Variants in MARCHF1 observed in about 807,000 individuals in gnomAD.
The protein encoded by MARCHF1 is membrane associated ring-CH-type finger 1, also known as E3 ubiquitin-protein ligase MARCHF1.
Under a neutral mutation model 54.2 loss-of-function variants are expected in MARCHF1, and 40 were observed. The observed-to-expected ratio is 0.74, with a 90% CI of 0.57 to 0.96. MARCHF1 has a LOEUF of 0.96. Ranked by LOEUF, MARCHF1 falls within the 40% of genes least tolerant of loss-of-function variation. MARCHF1 has a pLI of 0.00. For missense variants in MARCHF1, 586 were observed against 656.5 expected (o/e 0.89, Z 1.17); for synonymous variants, 236 against 236.3 (o/e 1.00, Z 0.01).
At chr4:164,200,534 A>G (rs2111085447) in intron 1 of MARCHF1, among the ~76,000 whole-genome samples, 1 of 152,290 alleles carries the variant, frequency 6.6e-6, no homozygotes, top group East Asian at 1.9e-4. Flanking sequence ...GTCCTTTACC[A>G]TGGCCTTCTG....
chr4:163,770,812 A>C (rs1225842550), intron 4 of MARCHF1, among the ~76,000 whole-genome samples: 1 of 152,174 alleles, frequency 6.6e-6, no homozygotes, highest in Non-Finnish European at 1.5e-5. Context: ...AAGACAAAAG[A>C]CAGTTCTTTT....
At chr4:163,768,507 T>C (rs1342371868) in intron 4 of MARCHF1, among the ~76,000 whole-genome samples, 1 of 152,214 alleles carries the variant, frequency 6.6e-6, no homozygotes, top group Non-Finnish European at 1.5e-5. Context: ...AAAAGTTCTG[T>C]CAAACATGAA....
intron 4 of MARCHF1, among the ~76,000 whole-genome samples, chr4:163,841,289 T>C (rs1749329510): frequency 6.6e-6 from 1 of 152,016 alleles, no homozygotes; most frequent in Non-Finnish European, 1.5e-5. Context: ...GATTATGACA[T>C]GCGAATGTAG....
chr4:163,723,334 A>G (rs917551020), intron 4 of MARCHF1, among the ~76,000 whole-genome samples: 18 of 151,968 alleles, frequency 1.2e-4, no homozygotes, highest in African/African-American at 3.9e-4. Context: ...TTTTCTTTAA[A>G]AATGTTGAAT....
intron 8 of MARCHF1, among the ~76,000 whole-genome samples, chr4:163,556,550 T>TG (rs1240567855): frequency 7.9e-6 from 1 of 126,568 alleles, no homozygotes. Context: ...GTAATTGAGT[T>TG]GATTTTTTTT....
At chr4:164,227,171 A>G (rs1489795064) in intron 1 of MARCHF1, among the ~76,000 whole-genome samples, 1 of 152,148 alleles carries the variant, frequency 6.6e-6, no homozygotes, top group Non-Finnish European at 1.5e-5. Context: ...ACAATTCCAC[A>G]TGGCTGGGGA....
intron 7 of MARCHF1, among the ~76,000 whole-genome samples, chr4:163,604,259 C>A (rs1223115158): frequency 1.3e-5 from 2 of 152,070 alleles, no homozygotes; most frequent in Admixed American, 1.3e-4. Context: ...TTGTCTTGCA[C>A]CTCAAACTAC....
intron 4 of MARCHF1, among the ~76,000 whole-genome samples, chr4:163,724,131 T>C (rs540444624): frequency 4.0e-4 from 61 of 152,098 alleles, no homozygotes; most frequent in African/African-American, 1.4e-3. Flanking sequence ...TTTTCTGCTC[T>C]GTTTTTTCCC....
intron 5 of MARCHF1, among the ~76,000 whole-genome samples, chr4:163,637,186 GC>G (rs1742365262): frequency 1.3e-5 from 2 of 152,050 alleles, no homozygotes; most frequent in Non-Finnish European, 1.5e-5. Flanking sequence ...ATAGGCATGG[GC>G]AAGGACTTCT....
chr4:163,970,310 A>G (rs1040362199), intron 3 of MARCHF1, among the ~76,000 whole-genome samples: 11 of 152,216 alleles, frequency 7.2e-5, no homozygotes, highest in Non-Finnish European at 1.5e-4. Flanking sequence ...TGAGTAAAGA[A>G]TCTTCAATTA....
chr4:164,314,058 G>A (rs1372539662), intron 1 of MARCHF1, among the ~76,000 whole-genome samples: 2 of 152,138 alleles, frequency 1.3e-5, no homozygotes, highest in South Asian at 2.1e-4. Context: ...CCTTTGTTTC[G>A]AAGGTAGAGC....
intron 4 of MARCHF1, among the ~76,000 whole-genome samples, chr4:163,846,189 C>T (rs530250576): frequency 2.0e-5 from 3 of 152,204 alleles, no homozygotes; most frequent in East Asian, 1.9e-4. Context: ...AATGAGGAAC[C>T]GCAACTGAAA....
chr4:164,094,107 T>A (rs1460146281), intron 2 of MARCHF1, among the ~76,000 whole-genome samples: 3 of 152,160 alleles, frequency 2.0e-5, no homozygotes, highest in South Asian at 2.1e-4. Context: ...AACATTTGTT[T>A]GGGTCTGTCT....
intron 1 of MARCHF1, among the ~76,000 whole-genome samples, chr4:164,382,389 A>G (rs564897632): frequency 2.0e-5 from 3 of 152,204 alleles, no homozygotes; most frequent in Non-Finnish European, 2.9e-5. Flanking sequence ...TATTATTGTG[A>G]TTGTTGCTTT....
intron 1 of MARCHF1, among the ~76,000 whole-genome samples, chr4:164,156,500 T>G (rs1310869413): frequency 1.3e-5 from 2 of 152,172 alleles, no homozygotes; most frequent in Non-Finnish European, 2.9e-5. Flanking sequence ...CTCTGCTCAC[T>G]GCAACCTCTG....
At chr4:164,350,803 C>T (rs1403040637) in intron 1 of MARCHF1, among the ~76,000 whole-genome samples, 4 of 152,102 alleles carry the variant, frequency 2.6e-5, no homozygotes, top group African/African-American at 7.2e-5. Context: ...CAGCTCCCAG[C>T]GTGAGCGACG....
chr4:164,052,135 G>GTT (rs5863653), intron 2 of MARCHF1, among the ~76,000 whole-genome samples: 65 of 123,640 alleles, frequency 5.3e-4, no homozygotes, highest in Non-Finnish European at 5.8e-4. Context: ...TCTTTTGGAA[G>GTT]TTTTTTTTTT....
chr4:163,563,235 T>G (rs1036585531), intron 8 of MARCHF1, among the ~76,000 whole-genome samples: 4 of 152,230 alleles, frequency 2.6e-5, no homozygotes, highest in African/African-American at 9.7e-5. Flanking sequence ...GGTTTTACAT[T>G]ATTAACTTAA....
In MARCHF1 at chr4:163,877,541, CAG is replaced by C. The variant is rs1357999300; in HGVS notation, c.-38-23374_-38-23373del. On this transcript the variant is annotated intron_variant, in intron 3 of 9. Transcript: ENST00000514618. ...CACTTTCTCCCTGTCTGAAAAATCACAGATACTCTCAAATTTTATCACCCTAA... is the reference window on the plus strand; with the variant it reads ...CACTTTCTCCCTGTCTGAAAAATCACATACTCTCAAATTTTATCACCCTAA... Among the ~76,000 whole-genome samples the C allele has an allele frequency of 2.0e-5, 3 of 150,374 alleles. No homozygotes were observed. In the East Asian group the frequency reaches 5.9e-4, roughly 30 times the overall value.
Sources: gnomAD v4.1 joint callset for allele counts (sites outside exome capture counted in the v4.1 genomes callset) on GRCh38, gnomAD v4.1.1 for gene constraint, MANE v1.5 for transcripts, NCBI Gene and HGNC (gene_info 2026-07-23, HGNC 2026-07-21) for gene names.